The following INPP4B variants were observed in gnomAD, a reference collection of about 807,000 sequenced individuals.
INPP4B encodes inositol polyphosphate-4-phosphatase type II B, also known as inositol polyphosphate 4-phosphatase type II.
Under a neutral mutation model 122.5 loss-of-function variants are expected in INPP4B, and 55 were observed. That is an observed-to-expected ratio of 0.45 (90% CI 0.36 to 0.56). The LOEUF is 0.56. INPP4B is among the 20% of genes least tolerant of loss of function. INPP4B has a pLI of 0.00. For synonymous variants in INPP4B, 403 were observed against 388.7 expected, an observed-to-expected ratio of 1.04 and a Z score of -0.43; for missense variants, 1,000 against 1,097.7, an observed-to-expected ratio of 0.91 and a Z score of 1.26.
At chr4:142,294,856 A>AAG (rs1561775056) in intron 9 of INPP4B, among the ~76,000 whole-genome samples, 3 of 143,806 alleles carry the variant, frequency 2.1e-5, no homozygotes, top group Non-Finnish European at 3.0e-5. Context: ...AAAAAAAAAA[A>AAG]GGCAGACTTA....
intron 7 of INPP4B, among the ~76,000 whole-genome samples, chr4:142,376,410 T>G (rs2148785770): frequency 6.6e-6 from 1 of 152,160 alleles, no homozygotes; most frequent in East Asian, 1.9e-4. Flanking sequence ...TGATACTGAC[T>G]TCTTGTAATG....
intron 18 of INPP4B, among the ~76,000 whole-genome samples, chr4:142,137,989 G>A (rs1422113344): frequency 6.6e-6 from 1 of 152,068 alleles, no homozygotes; most frequent in Admixed American, 6.5e-5. Flanking sequence ...GATTCCTCAG[G>A]GATCTAGAAC....
intron 8 of INPP4B, among the ~76,000 whole-genome samples, chr4:142,311,078 A>G (rs1765342298): frequency 6.6e-6 from 1 of 152,168 alleles, no homozygotes; most frequent in South Asian, 2.1e-4. Flanking sequence ...CTTGAAGAGT[A>G]AAGCCCTTGT....
intron 2 of INPP4B, among the ~76,000 whole-genome samples, chr4:142,524,225 T>G (rs1378213080): frequency 2.0e-5 from 3 of 152,162 alleles, no homozygotes; most frequent in Non-Finnish European, 2.9e-5. Context: ...TCCTGAGGAA[T>G]CGCCGCACCG....
intron 17 of INPP4B, among the ~76,000 whole-genome samples, chr4:142,147,560 C>T (rs1811455579): frequency 4.6e-5 from 7 of 152,160 alleles, no homozygotes; most frequent in Admixed American, 4.6e-4. Context: ...AATTCTTGCT[C>T]TAACTACCTC....
chr4:142,569,608 C>G (rs1434948849), intron 2 of INPP4B, among the ~76,000 whole-genome samples: 1 of 152,092 alleles, frequency 6.6e-6, no homozygotes. Context: ...TGATTAGCTC[C>G]TTTCTCTGCA....
At chr4:142,450,983 C>CA (rs1814047281) in intron 3 of INPP4B, among the ~76,000 whole-genome samples, 3 of 149,938 alleles carry the variant, frequency 2.0e-5, no homozygotes, top group Admixed American at 6.7e-5. Flanking sequence ...ACTCCCCCCC[C>CA]CAAAAAAAGT....
intron 15 of INPP4B, among the ~76,000 whole-genome samples, chr4:142,187,195 A>T (rs1029870532): frequency 6.6e-6 from 1 of 152,146 alleles, no homozygotes; most frequent in Non-Finnish European, 1.5e-5. Context: ...AGTCCAAAAG[A>T]AAAAAAGGAA....
intron 16 of INPP4B, among the ~76,000 whole-genome samples, chr4:142,160,777 G>A (rs538440377): frequency 6.6e-6 from 1 of 152,092 alleles, no homozygotes; most frequent in South Asian, 2.1e-4. Context: ...TAAAGTTAAT[G>A]CTGAGGTTTT....
chr4:142,417,313 T>C (rs1436010487), intron 5 of INPP4B, among the ~76,000 whole-genome samples: 1 of 152,160 alleles, frequency 6.6e-6, no homozygotes, highest in African/African-American at 2.4e-5. Context: ...GTTTAAGGTC[T>C]TCTTGGCAGT....
chr4:142,328,123 G>C (rs1397397915), intron 7 of INPP4B, among the ~76,000 whole-genome samples: 4 of 152,184 alleles, frequency 2.6e-5, no homozygotes, highest in African/African-American at 9.6e-5. Context: ...CCACTGCATG[G>C]CTAACTCAGT....
At chr4:142,128,364 CACACACACACACACAT>C (rs60861242) in intron 18 of INPP4B, among the ~76,000 whole-genome samples, 13,482 of 143,202 alleles carry the variant, frequency 0.094, 723 homozygotes, top group East Asian at 0.21. Flanking sequence ...CACACACACA[CACACACACACACACAT>C]ACACACACAT....
At chr4:142,238,882 C>T (rs1857864005) in intron 11 of INPP4B, among the ~76,000 whole-genome samples, 2 of 152,082 alleles carry the variant, frequency 1.3e-5, no homozygotes, top group Admixed American at 1.3e-4. Flanking sequence ...ATGCCTATGT[C>T]ACACTTACAC....
At chr4:142,743,880 T>A (rs781703859) in intron 1 of INPP4B, among the ~76,000 whole-genome samples, 3 of 151,864 alleles carry the variant, frequency 2.0e-5, no homozygotes, top group African/African-American at 7.2e-5. Flanking sequence ...CTAAACGTTT[T>A]TACCATGTAT....
At chr4:142,488,097 A>G (rs187094624) in intron 2 of INPP4B, among the ~76,000 whole-genome samples, 11 of 152,182 alleles carry the variant, frequency 7.2e-5, no homozygotes, top group African/African-American at 2.2e-4. Context: ...GACTTCTGAG[A>G]GCTTTTATTA....
At chr4:142,533,664 G>A (rs932190051) in intron 2 of INPP4B, among the ~76,000 whole-genome samples, 4 of 151,778 alleles carry the variant, frequency 2.6e-5, no homozygotes, top group Admixed American at 1.3e-4. Context: ...AGTGAATCAG[G>A]GCAAAAACGT....
chr4:142,656,458 C>A (rs996469204), intron 2 of INPP4B, among the ~76,000 whole-genome samples: 3 of 152,150 alleles, frequency 2.0e-5, no homozygotes, highest in South Asian at 2.1e-4. Context: ...GAAAACCATA[C>A]CCCTACCCCC....
chr4:142,669,105 TTAAC>T (rs1282104054), intron 2 of INPP4B, among the ~76,000 whole-genome samples: 20 of 151,742 alleles, frequency 1.3e-4, no homozygotes, highest in African/African-American at 4.6e-4. Context: ...ATTAATAAAT[TTAAC>T]TAAGAGGTGA....
intron 7 of INPP4B, among the ~76,000 whole-genome samples, chr4:142,337,933 A>T (rs1579780571): frequency 6.6e-6 from 1 of 151,622 alleles, no homozygotes; most frequent in East Asian, 1.9e-4. Flanking sequence ...GAGGGGAAAA[A>T]GGAGTATATA....
Sources: gnomAD v4.1 joint callset for allele counts (sites outside exome capture counted in the v4.1 genomes callset) on GRCh38, gnomAD v4.1.1 for gene constraint, MANE v1.5 for transcripts, NCBI Gene and HGNC (gene_info 2026-07-23, HGNC 2026-07-21) for gene names.